GSE1: variants seen among roughly 807,000 people sequenced by gnomAD.
The protein encoded by GSE1 is Gse1 coiled-coil protein.
In GSE1, 32 loss-of-function variants were observed where a neutral mutation model predicts 112.6. The observed-to-expected ratio is 0.28, with a 90% CI of 0.21 to 0.38. The LOEUF is 0.38. GSE1 is among the 10% of genes least tolerant of loss of function. The probability of loss-of-function intolerance (pLI) is 1.00; values close to 1 mark genes in which losing one functional copy is unlikely to be tolerated. For synonymous variants in GSE1, 1,115 were observed against 735.6 expected, an observed-to-expected ratio of 1.52 and a Z score of -8.35; for missense variants, 2,348 against 1,699.2, an observed-to-expected ratio of 1.38 and a Z score of -6.71.
intron 1 of GSE1, among the ~76,000 whole-genome samples, chr16:85,249,600 A>T (rs1477383759): frequency 6.6e-6 from 1 of 152,220 alleles, no homozygotes; most frequent in Non-Finnish European, 1.5e-5. Context: ...GCAACAGCAC[A>T]GCAGGGCAGA....
intron 2 of GSE1, among the ~76,000 whole-genome samples, chr16:85,636,390 C>G (rs898472752): frequency 2.6e-5 from 4 of 152,184 alleles, no homozygotes; most frequent in Admixed American, 6.5e-5. Flanking sequence ...CCTGGGCCCT[C>G]GTCGCCCCCA....
At position 85,346,432 on chromosome 16, in the gene GSE1, G is replaced by GATA. The variant is rs1470933893; in HGVS notation, c.2284-11031_2284-11030insATA. ...GCGGGTGGATGGGTGATGGACAGGT[G>GATA]GATGGTGGATGAGTGGATGGATGGG... On this transcript the variant is annotated intron_variant, in intron 1 of 2. Coordinates refer to the GSE1 transcript ENST00000637419. 2.3e-3 allele frequency among the ~76,000 whole-genome samples: 122 copies of GATA among 54,122 alleles called. 1 individual carries two copies. Among genetic ancestry groups the GATA allele is most frequent in the Non-Finnish European group, 4.7e-3 (104 of 22,280 alleles). The allele number at this position is 54,122 out of a possible 152,430, so 35.5% of individuals were successfully genotyped here.
chr16:85,654,186 G>A (rs2051696208), intron 3 of GSE1, 92 bp from the exon 4 acceptor site: 2 of 1,162,030 alleles, frequency 1.7e-6, no homozygotes, highest in Non-Finnish European at 2.4e-6. Flanking sequence ...ACTAAATCTA[G>A]CGCCTTCCCG....
chr16:85,580,239 A>C (rs533338053), intron 1 of GSE1: 1 of 152,680 alleles, frequency 6.5e-6, no homozygotes, highest in African/African-American at 2.4e-5. Flanking sequence ...CCTGCAGGGG[A>C]AGAGGACATT....
intron 1 of GSE1, among the ~76,000 whole-genome samples, chr16:85,208,742 C>T (rs901486255): frequency 7.4e-5 from 11 of 149,242 alleles, no homozygotes; most frequent in Non-Finnish European, 1.0e-4. Flanking sequence ...GACTGCTGCC[C>T]GCTCTAGATT....
chr16:85,559,824 A>G (rs2045425912), intron 1 of GSE1, among the ~76,000 whole-genome samples: 1 of 152,220 alleles, frequency 6.6e-6, no homozygotes, highest in South Asian at 2.1e-4. Context: ...ATTGGCACAC[A>G]GCCACGCCTG....
chr16:85,356,258 G>A (rs1433747928), intron 1 of GSE1, among the ~76,000 whole-genome samples: 2 of 152,240 alleles, frequency 1.3e-5, no homozygotes, highest in African/African-American at 4.8e-5. Flanking sequence ...CTCGGGACCA[G>A]TGAGCCCAGG....
chr16:85,365,685 A>G (rs1313664529), intron 2 of GSE1, among the ~76,000 whole-genome samples: 2 of 152,268 alleles, frequency 1.3e-5, no homozygotes, highest in African/African-American at 4.8e-5. Flanking sequence ...GAAGGTTTGT[A>G]GAAGGCGAAG....
chr16:85,645,182 G>A (rs1257588495), intron 2 of GSE1, among the ~76,000 whole-genome samples: 1 of 151,932 alleles, frequency 6.6e-6, no homozygotes. Flanking sequence ...GGCAGTGGTT[G>A]GCTAGTCCAT....
At chr16:85,635,841 G>C (rs953903298) in intron 2 of GSE1, among the ~76,000 whole-genome samples, 1 of 152,228 alleles carries the variant, frequency 6.6e-6, no homozygotes, top group African/African-American at 2.4e-5. Context: ...TCAGGAAAGG[G>C]CAGGTTTCCC....
intron 2 of GSE1, among the ~76,000 whole-genome samples, chr16:85,404,949 CTCTCAGGCCCCCCGGATAATCCTCACT>C (rs1378928310): frequency 3.8e-5 from 1 of 26,242 alleles, no homozygotes; most frequent in Non-Finnish European, 7.1e-5. Context: ...CTCACTGTTA[CTCTCAGGCCCCCCGGATAATCCTCACT>C]GTTACACTCA....
chr16:85,386,183 C>T (rs761115204), intron 2 of GSE1, among the ~76,000 whole-genome samples: 1 of 152,190 alleles, frequency 6.6e-6, no homozygotes, highest in Non-Finnish European at 1.5e-5. Context: ...ACGCCCTGCC[C>T]CCTGTTTGGG....
intron 2 of GSE1, among the ~76,000 whole-genome samples, chr16:85,647,604 T>C (rs1199634651): frequency 6.6e-6 from 1 of 152,150 alleles, no homozygotes; most frequent in Non-Finnish European, 1.5e-5. Flanking sequence ...TTTTTTTGTT[T>C]TGAGACGAAG....
intron 1 of GSE1, among the ~76,000 whole-genome samples, chr16:85,591,516 C>G (rs1041055665): frequency 2.6e-5 from 4 of 152,242 alleles, no homozygotes; most frequent in African/African-American, 9.6e-5. Context: ...TCCTCACAGC[C>G]TTGCGGGCTC....
intron 2 of GSE1, among the ~76,000 whole-genome samples, chr16:85,519,902 G>T (rs1424614976): frequency 2.6e-5 from 4 of 152,212 alleles, no homozygotes; most frequent in Admixed American, 2.6e-4. Context: ...GGGGTAAGGA[G>T]AAGGAAGGCA....
At chr16:85,183,211 ACACT>A (rs1333218016) in intron 1 of GSE1, among the ~76,000 whole-genome samples, 5 of 152,116 alleles carry the variant, frequency 3.3e-5, no homozygotes, top group Admixed American at 3.3e-4. Flanking sequence ...GTGTATGCAC[ACACT>A]CCCACACACC....
intron 11 of GSE1, 129 bp downstream of exon 11, chr16:85,663,743 C>T (rs2052618237): frequency 1.1e-6 from 1 of 873,386 alleles, no homozygotes; most frequent in African/African-American, 1.7e-5. Flanking sequence ...CCCTTTACTC[C>T]TCCCGGCTCC....
intron 2 of GSE1, among the ~76,000 whole-genome samples, chr16:85,429,670 C>A (rs1221191417): frequency 8.5e-5 from 13 of 152,192 alleles, no homozygotes; most frequent in African/African-American, 2.9e-4. Flanking sequence ...GCCCCACAGG[C>A]CTCCTCCCCT....
intron 2 of GSE1, among the ~76,000 whole-genome samples, chr16:85,639,145 A>G (rs770569058): frequency 2.3e-4 from 35 of 152,090 alleles, no homozygotes; most frequent in African/African-American, 7.2e-4. Context: ...CCTGGTGGCT[A>G]TTGGTCTCTT....
Sources: allele counts gnomAD v4.1 joint callset (sites outside exome capture counted in the v4.1 genomes callset), GRCh38; gene constraint gnomAD v4.1.1; transcripts MANE v1.5; gene names NCBI Gene and HGNC (gene_info 2026-07-23, HGNC 2026-07-21).